ARHGEF10L: variants seen among roughly 807,000 people sequenced by gnomAD.
ARHGEF10L encodes Rho guanine nucleotide exchange factor 10 like.
In ARHGEF10L, 69 loss-of-function variants were observed where a neutral mutation model predicts 141.2. The ratio of observed to expected loss-of-function variants is 0.49; its 90% confidence interval spans 0.40 to 0.60. ARHGEF10L has a LOEUF of 0.60. Among genes scored for constraint, ARHGEF10L ranks in the 20% least tolerant of loss-of-function variants. The probability of loss-of-function intolerance (pLI) is 0.00; values close to 1 mark genes in which losing one functional copy is unlikely to be tolerated. For missense variants in ARHGEF10L, 1,482 were observed against 1,734.3 expected, an observed-to-expected ratio of 0.85 and a Z score of 2.58; for synonymous variants, 711 against 718.5, an observed-to-expected ratio of 0.99 and a Z score of 0.17.
chr1:17,552,275 C>T (rs1012814168), intron 1 of ARHGEF10L, among the ~76,000 whole-genome samples: 2 of 152,162 alleles, frequency 1.3e-5, no homozygotes, highest in Non-Finnish European at 2.9e-5. Context: ...TCTCACCTCT[C>T]TGCAGTCTTG....
intron 26 of ARHGEF10L, 116 bp downstream of exon 26, chr1:17,664,711 G>A (rs2062859001): frequency 5.3e-6 from 7 of 1,315,986 alleles, no homozygotes; most frequent in Middle Eastern, 2.0e-4. Context: ...AGGATCGATT[G>A]GGCAGAGTTT....
intron 26 of ARHGEF10L, among the ~76,000 whole-genome samples, chr1:17,686,356 C>T (rs1407947608): frequency 1.3e-5 from 2 of 152,156 alleles, no homozygotes; most frequent in Non-Finnish European, 2.9e-5. Flanking sequence ...GTGCTGGGCC[C>T]TGTGCCAAGC....
chr1:17,653,139 C>T (rs746147761), intron 22 of ARHGEF10L, among the ~76,000 whole-genome samples: 7 of 152,192 alleles, frequency 4.6e-5, no homozygotes, highest in African/African-American at 1.7e-4. Context: ...CTCCAGTCCC[C>T]ACGGCCATCC....
At chr1:17,676,968 C>G (rs1488887358) in intron 26 of ARHGEF10L, among the ~76,000 whole-genome samples, 11 of 151,858 alleles carry the variant, frequency 7.2e-5, no homozygotes, top group Admixed American at 3.9e-4. Flanking sequence ...ACTCCCTCCT[C>G]CATCGCACTC....
rs547103401 is a variant in ARHGEF10L, at chr1:17,557,662, C to T, written c.-44+17712C>T. Among the ~76,000 whole-genome samples the T allele has an allele frequency of 2.5e-3, 382 of 152,344 alleles. 3 individuals are homozygous for T. The highest frequency in any genetic ancestry group is 8.7e-3 in the African/African-American group (361 of 41,576). On this transcript the variant is annotated intron_variant, in intron 1 of 28. Transcript: ENST00000361221. ...GTCTTTTGTTAATTTATCATTCGTT[C>T]GACAAGTATGTCTCGAGGCCTGTGA... is the stretch of plus-strand genomic sequence containing the variant.
chr1:17,687,493 C>T, intron 26 of ARHGEF10L, 80 bp from the exon 27 acceptor site: 1 of 1,498,350 alleles, frequency 6.7e-7, no homozygotes, highest in Non-Finnish European at 9.2e-7. Flanking sequence ...GTGAGAATGG[C>T]TGGCCCAGGG....
intron 2 of ARHGEF10L, among the ~76,000 whole-genome samples, chr1:17,584,792 G>C (rs112794573): frequency 0.012 from 1,860 of 152,288 alleles, 40 homozygotes; most frequent in African/African-American, 0.042. Flanking sequence ...AAGGAGATCA[G>C]TGTGGCTGGA....
At position 17,625,998 on chromosome 1, in the gene ARHGEF10L, C is replaced by T. The variant is rs193104454; in HGVS notation, c.1360C>T (p.Leu454=). The change falls in exon 14 of 29, where the codon CTG becomes TTG. Residue 454 remains leucine, a synonymous_variant. Transcript: ENST00000361221. This position sits in a 1 kb window ranked among gnomAD's most constrained non-coding sequence, Gnocchi z 4.5. ...CCCAGACCGTGTCACCCTCTACGGG[C>T]TGATGGTCAAGCCCATCCAGAGGTT... The part of the protein sequence containing the change: ...CSPDRVTLYG[L]MVKPIQRFPQ... 6.2e-6 allele frequency: 10 copies of T among 1,613,970 alleles called. No homozygotes were observed. In the East Asian group the frequency reaches 2.2e-4, roughly 36 times the overall value.
At position 17,607,957 on chromosome 1, in the gene ARHGEF10L, C is replaced by T. The variant is rs754787647; in HGVS notation, c.589C>T (p.Arg197Ter). 2.1e-6 allele frequency: 3 copies of T among 1,436,488 alleles called. No individual in the cohort carries two copies. The highest frequency in any genetic ancestry group is 1.5e-5 in the African/African-American group (1 of 67,092). 89.0% of individuals were successfully genotyped at this position (1,436,488 alleles called of 1,614,324 possible). The stretch of plus-strand genomic sequence containing the variant: ...GGTCGAGGTCGAGCCCGCCAAGCAC[C>T]GAGTGTCCTTCCAGCCCAAGGTGAG... ...PEVEVEPAKHRVSFQPKLSPD... is the reference protein window; with the variant it reads ...PEVEVEPAKH The change falls in exon 7 of 29, where the codon CGA (arginine) becomes TGA (stop). Residue 197 changes from arginine to a stop codon, truncating the protein, a stop_gained. Transcript: ENST00000361221. LOFTEE classifies it high-confidence loss of function. This position sits in a 1 kb window ranked among gnomAD's most constrained non-coding sequence, Gnocchi z 4.5.
At chr1:17,620,170 T>C (rs1220554780) in intron 10 of ARHGEF10L, among the ~76,000 whole-genome samples, 1 of 144,386 alleles carries the variant, frequency 6.9e-6, no homozygotes, top group East Asian at 2.1e-4. Context: ...GCCACTGCAC[T>C]CCAGCCTGGT....
chr1:17,519,494 C>T, the ARHGEF10L span, among the ~76,000 whole-genome samples: 1 of 152,020 alleles, frequency 6.6e-6, no homozygotes, highest in African/African-American at 2.4e-5. Flanking sequence ...CCTGTGGTCC[C>T]AGCTACTTGG....
chr1:17,641,727 C>T (rs1571190094), intron 21 of ARHGEF10L, among the ~76,000 whole-genome samples: 2 of 152,104 alleles, frequency 1.3e-5, no homozygotes, highest in South Asian at 2.1e-4. Flanking sequence ...GCCTGTAATC[C>T]TAGCACTTTG....
chr1:17,640,337 CA>C, intron 21 of ARHGEF10L, 35 bp downstream of exon 21: 1 of 1,564,346 alleles, frequency 6.4e-7, no homozygotes, highest in Non-Finnish European at 8.7e-7. Flanking sequence ...CCTCAGGGGG[CA>C]GGGGTGTGGA....
At chr1:17,583,930 C>T (rs1373548316) in intron 2 of ARHGEF10L, among the ~76,000 whole-genome samples, 2 of 152,222 alleles carry the variant, frequency 1.3e-5, no homozygotes, top group Admixed American at 6.5e-5. Flanking sequence ...TGGCTCACTG[C>T]AGCCTCAAAT....
At chr1:17,685,807 T>G (rs2064523590) in intron 26 of ARHGEF10L, among the ~76,000 whole-genome samples, 1 of 152,206 alleles carries the variant, frequency 6.6e-6, no homozygotes, top group South Asian at 2.1e-4. Context: ...TACTTACAAT[T>G]GAGGAAACTG....
At chr1:17,526,843 A>T in the ARHGEF10L span, among the ~76,000 whole-genome samples, 1 of 151,620 alleles carries the variant, frequency 6.6e-6, no homozygotes, top group Non-Finnish European at 1.5e-5. Context: ...GGCAGAGTTT[A>T]CAGTGAGCCA....
intron 1 of ARHGEF10L, among the ~76,000 whole-genome samples, chr1:17,555,646 C>T (rs940615245): frequency 3.9e-5 from 6 of 152,202 alleles, no homozygotes; most frequent in Non-Finnish European, 7.3e-5. Flanking sequence ...TGAACCACCA[C>T]GCCTGGCCTG....
the ARHGEF10L span, among the ~76,000 whole-genome samples, chr1:17,520,307 G>A: frequency 6.6e-6 from 1 of 152,188 alleles, no homozygotes; most frequent in Non-Finnish European, 1.5e-5. Context: ...TGGGCTCTGT[G>A]TGGGCCCAGC....
intron 4 of ARHGEF10L, among the ~76,000 whole-genome samples, chr1:17,593,242 C>T (rs1439615990): frequency 6.6e-6 from 1 of 152,190 alleles, no homozygotes; most frequent in Non-Finnish European, 1.5e-5. Flanking sequence ...GATGGTGCAA[C>T]AATACTAACA....
Sources: gnomAD v4.1 joint callset for allele counts (sites outside exome capture counted in the v4.1 genomes callset) on GRCh38, gnomAD v4.1.1 for gene constraint, Gnocchi (gnomAD v3.1) non-coding constraint, MANE v1.5 for transcripts, NCBI Gene and HGNC (gene_info 2026-07-23, HGNC 2026-07-21) for gene names.